Variants in MCMBP observed in about 807,000 individuals in gnomAD.
MCMBP encodes minichromosome maintenance complex binding protein.
In MCMBP, 31 loss-of-function variants were observed where a neutral mutation model predicts 81.3. The ratio of observed to expected loss-of-function variants is 0.38; its 90% CI spans 0.29 to 0.51. The LOEUF is 0.51. MCMBP is among the 20% of genes least tolerant of loss of function. The pLI is 0.87. For missense variants in MCMBP, 645 were observed against 772.1 expected, an observed-to-expected ratio of 0.84 and a Z score of 1.95; for synonymous variants, 267 against 275.9, an observed-to-expected ratio of 0.97 and a Z score of 0.32.
At chr10:119,850,872 C>CTTTCTT (rs760381867) in intron 6 of MCMBP, among the ~76,000 whole-genome samples, 1 of 134,166 alleles carries the variant, frequency 7.5e-6, no homozygotes, top group Non-Finnish European at 1.6e-5. Context: ...TATACAAGAT[C>CTTTCTT]TGTTTTTTTT....
intron 6 of MCMBP, among the ~76,000 whole-genome samples, chr10:119,850,935 C>T (rs1370614963): frequency 7.0e-6 from 1 of 141,852 alleles, no homozygotes; most frequent in Non-Finnish European, 1.5e-5. Context: ...AGCATGGTGG[C>T]GATCAGCGCT....
intron 5 of MCMBP, among the ~76,000 whole-genome samples, chr10:119,856,731 CCT>C (rs1419340513): frequency 1.3e-5 from 2 of 152,144 alleles, no homozygotes; most frequent in Non-Finnish European, 2.9e-5. Context: ...TCTACAATCC[CCT>C]CTCAAAAGAG....
chr10:119,840,880 T>A lies in MCMBP; in HGVS notation c.1205A>T (p.Glu402Val), dbSNP rs747488728. 6.2e-7 allele frequency: 1 copy of A among 1,608,678 alleles called. No individual in the cohort carries two copies. The highest frequency in any genetic ancestry group is 8.5e-7 in the Non-Finnish European group (1 of 1,178,088). The change falls in exon 11 of 16, where the codon GAA becomes GTA. Residue 402 changes from glutamate to valine, a missense_variant. By Grantham distance (121) the Glu-to-Val change is moderately radical. Transcript: ENST00000369077. ...ATGTTGAATAATTCGATACAAGTGTTCTGTGAAGGTACTATTCCGTGGGCA... is the reference window on the plus strand; with the variant it reads ...ATGTTGAATAATTCGATACAAGTGTACTGTGAAGGTACTATTCCGTGGGCA... ...SGCPRNSTFT[E>V]HLYRIIQHLV...
intron 1 of MCMBP, among the ~76,000 whole-genome samples, chr10:119,862,697 T>C (rs1358976748): frequency 6.6e-6 from 1 of 152,202 alleles, no homozygotes; most frequent in African/African-American, 2.4e-5. Flanking sequence ...TTCTCTAGAA[T>C]GAGTATCTAG....
At chr10:119,867,232 G>T (rs1202728358) in intron 1 of MCMBP, among the ~76,000 whole-genome samples, 19 of 132,008 alleles carry the variant, frequency 1.4e-4, no homozygotes, top group Admixed American at 7.0e-4. Context: ...GGGAGAGGTT[G>T]CAGTGAGCCG....
At chr10:119,872,161 C>T (rs995111673) in intron 1 of MCMBP, among the ~76,000 whole-genome samples, 1 of 152,164 alleles carries the variant, frequency 6.6e-6, no homozygotes, top group Non-Finnish European at 1.5e-5. Context: ...TGCGGGCCCT[C>T]CCCAGGGTTC....
rs780676910 is a variant in MCMBP at position 119,843,293 on chromosome 10, A to G, written c.961T>C (p.Leu321=). 6.8e-6 allele frequency: 11 copies of G among 1,613,808 alleles called. No homozygotes were observed. In the Admixed American group the frequency reaches 1.0e-4, roughly 15 times the overall value. The change falls in exon 9 of 16, where the codon TTA becomes CTA. Residue 321 remains leucine (L), a synonymous_variant. Transcript: ENST00000369077. ...TCTTTGTTAAGGCAGGCAGGCAATAATGGGTTGATGTGTTGCAACTTCTGG... is the reference window on the plus strand; with the variant it reads ...TCTTTGTTAAGGCAGGCAGGCAATAGTGGGTTGATGTGTTGCAACTTCTGG... ...LAQKLQHINP[L]LPACLNKEES...
Position 119,857,377 on chromosome 10 carries a change from A to G in MCMBP, c.390T>C (p.Tyr130=). 6.2e-7 allele frequency: 1 copy of G among 1,611,428 alleles called. No individual in the cohort carries two copies. Among genetic ancestry groups the G allele is most frequent in the Non-Finnish European group, 8.5e-7 (1 of 1,178,070 alleles). The change falls in exon 5 of 16, where the codon TAT becomes TAC. Residue 130 remains tyrosine (Y), a synonymous_variant. Coordinates refer to ENST00000369077, the MANE Select transcript of MCMBP (RefSeq NM_001256378.2). ...TAGATTCCCCAGGCACCGGAACACAATAGAAAGTCTGTCTTTCCAAAGTGG... is the reference window on the plus strand; with the variant it reads ...TAGATTCCCCAGGCACCGGAACACAGTAGAAAGTCTGTCTTTCCAAAGTGG... The part of the protein sequence containing the change: ...RNTTLERQTF[Y]CVPVPGESTW...
chr10:119,856,791 A>AT (rs1303672190), intron 5 of MCMBP, among the ~76,000 whole-genome samples: 1 of 152,132 alleles, frequency 6.6e-6, no homozygotes, highest in African/African-American at 2.4e-5. Flanking sequence ...ATTTGAAACT[A>AT]TTTTTTTACT....
At position 119,852,181 on chromosome 10, in the gene MCMBP, G is replaced by C. The variant is rs1467821243; in HGVS notation, c.574+869C>G. ...AAAAAAAAAAAAAAAAAAAAAAAAA[G>C]CCTTCTCTACCCAATCTTGCAGATA... On this transcript the variant is annotated intron_variant, in intron 6 of 15. Coordinates refer to ENST00000369077, the MANE Select transcript of MCMBP (RefSeq NM_001256378.2). Among the ~76,000 whole-genome samples, 4 of 87,628 alleles carry C rather than the reference G, an allele frequency of 4.6e-5. No individual in the cohort carries two copies. The East Asian group carries it at 1.6e-3, about 35-fold the overall frequency. The allele number at this position is 87,628 out of a possible 152,430, so 57.5% of individuals were successfully genotyped here.
chr10:119,852,672 C>G (rs1369832902), intron 6 of MCMBP, among the ~76,000 whole-genome samples: 1 of 152,164 alleles, frequency 6.6e-6, no homozygotes, highest in African/African-American at 2.4e-5. Context: ...GAGTGAAACC[C>G]TGTCTCAAAA....
chr10:119,835,818 T>C, intron 13 of MCMBP, 114 bp from the exon 14 acceptor site: 1 of 1,091,270 alleles, frequency 9.2e-7, no homozygotes, highest in Non-Finnish European at 1.3e-6. Context: ...TACCACTTAT[T>C]ATTTAGGGGG....
chr10:119,848,237 T>C (rs1852686343), intron 7 of MCMBP, among the ~76,000 whole-genome samples: 1 of 151,928 alleles, frequency 6.6e-6, no homozygotes, highest in Non-Finnish European at 1.5e-5. Flanking sequence ...CATTTACTGA[T>C]TAGACCTGGT....
chr10:119,831,730 C>T (rs1024473303), intron 15 of MCMBP, 130 bp from the exon 16 acceptor site: 22 of 1,060,532 alleles, frequency 2.1e-5, no homozygotes, highest in Non-Finnish European at 2.9e-5. Flanking sequence ...GGTAGTTACA[C>T]ACAAGTCAAC....
At chr10:119,872,448 G>A (rs1481266072) in intron 1 of MCMBP, 79 bp downstream of exon 1, 11 of 887,626 alleles carry the variant, frequency 1.2e-5, no homozygotes, top group Non-Finnish European at 1.6e-5. Flanking sequence ...ACCGCGTGGG[G>A]GCCGCGCGGC....
At chr10:119,836,812 T>A in intron 13 of MCMBP, 84 bp downstream of exon 13, 5 of 500,562 alleles carry the variant, frequency 1.0e-5, no homozygotes, top group South Asian at 3.2e-5. Flanking sequence ...ATGTAACTTA[T>A]TAATAAGCGG....
intron 12 of MCMBP, among the ~76,000 whole-genome samples, chr10:119,837,978 CT>C (rs1392690727): frequency 1.3e-5 from 2 of 151,952 alleles, no homozygotes; most frequent in Non-Finnish European, 2.9e-5. Context: ...TCAAGATCAG[CT>C]GGGCAACATA....
Position 119,859,029 on chromosome 10 carries a change from A to G in MCMBP, c.285+12T>C, listed in dbSNP as rs1853149436. The G allele has an allele frequency of 6.2e-7, 1 of 1,612,914 alleles. No homozygotes were observed. ...ATTAATACCACAAATTCATGAAAAC[A>G]GCAATACTTACATGTGCTTTTGTGT... On this transcript the variant is annotated intron_variant, in intron 3 of 15. Transcript: ENST00000369077.
chr10:119,843,485 TA>T (rs1589782504), intron 8 of MCMBP, 59 bp from the exon 9 acceptor site: 1 of 1,521,600 alleles, frequency 6.6e-7, no homozygotes, highest in African/African-American at 1.4e-5. Context: ...GATGCAAAAA[TA>T]ATGTGCATCT....
Sources: allele counts gnomAD v4.1 joint callset (sites outside exome capture counted in the v4.1 genomes callset), GRCh38; gene constraint gnomAD v4.1.1; transcripts MANE v1.5; gene names NCBI Gene and HGNC (gene_info 2026-07-23, HGNC 2026-07-21).